The following PCCA variants were observed in gnomAD, a reference collection of about 807,000 sequenced individuals.
PCCA encodes the protein propionyl-CoA carboxylase subunit alpha.
Under a neutral mutation model 101.3 loss-of-function variants are expected in PCCA, and 74 were observed. The observed-to-expected ratio is 0.73, with a 90% CI of 0.61 to 0.89. The LOEUF is 0.89. Ranked by LOEUF, PCCA falls within the 40% of genes least tolerant of loss-of-function variation. The pLI, the probability that PCCA is intolerant of heterozygous loss-of-function variation, is 0.00. For missense variants in PCCA, 891 were observed against 907.0 expected (o/e 0.98, Z 0.23); for synonymous variants, 294 against 313.6 (o/e 0.94, Z 0.66).
At position 100,268,689 on chromosome 13, in the gene PCCA, G is replaced by A. The variant is rs767299022; in HGVS notation, c.820G>A (p.Val274Ile). The change falls in exon 11 of 24, where the codon GTT (valine) becomes ATT (isoleucine). Residue 274 changes from valine to isoleucine, a missense_variant and splice_region_variant. By Grantham distance (29) the Val-to-Ile change is conservative (BLOSUM62 3). Coordinates refer to ENST00000376285, the MANE Select transcript of PCCA (RefSeq NM_000282.4). ...IDNPRHIEIQVLGDKHGNALW... is the reference protein window; with the variant it reads ...IDNPRHIEIQILGDKHGNALW... ...TTTTCAAATGGTATTGCTCTTTCAG[G>A]TTCTAGGTGATAAACATGGGAATGC... is the stretch of plus-strand genomic sequence containing the variant. 1.9e-6 allele frequency: 3 copies of A among 1,609,828 alleles called. No homozygotes were observed. Among genetic ancestry groups the A allele is most frequent in the South Asian group, 1.1e-5 (1 of 91,004 alleles).
At chr13:100,188,255 T>C (rs1199726312) in intron 6 of PCCA, among the ~76,000 whole-genome samples, 1 of 151,498 alleles carries the variant, frequency 6.6e-6, no homozygotes, top group Admixed American at 6.6e-5. Flanking sequence ...ATCGTGCCAC[T>C]GCACTCCAGC....
chr13:100,173,600 AGCTCCTGAACTCCTGCT>A (rs772009325), intron 6 of PCCA, among the ~76,000 whole-genome samples: 1 of 152,178 alleles, frequency 6.6e-6, no homozygotes, highest in African/African-American at 2.4e-5. Context: ...AATAGAGTCA[AGCTCCTGAACTCCTGCT>A]GCATAGGCTG....
intron 6 of PCCA, among the ~76,000 whole-genome samples, chr13:100,208,939 T>A (rs192072328): frequency 1.3e-5 from 2 of 152,310 alleles, no homozygotes; most frequent in East Asian, 3.9e-4. Context: ...TCAGGAAATA[T>A]GGATATTTGT....
chr13:100,449,234 C>T lies in PCCA; in HGVS notation c.1846-18C>T, dbSNP rs2081053140. On this transcript the variant is annotated intron_variant, in intron 20 of 23. Coordinates refer to ENST00000376285, the MANE Select transcript of PCCA (RefSeq NM_000282.4). ...GTGCAGATATGAGTTCATTTTATAT[C>T]TCTTGTTTGTTTTTTAGTGTCTTTC... The T allele has an allele frequency of 6.6e-7, 1 of 1,511,192 alleles. No homozygotes were observed. Among genetic ancestry groups the T allele is most frequent in the Non-Finnish European group, 9.0e-7 (1 of 1,111,206 alleles). The allele number at this position is 1,511,192 out of a possible 1,614,324, so 93.6% of individuals were successfully genotyped here. A position where few individuals can be genotyped will look rare whatever the true frequency, so the allele number is the denominator to read the frequency against.
At chr13:100,241,756 C>T (rs780997731) in intron 8 of PCCA, among the ~76,000 whole-genome samples, 34 of 152,156 alleles carry the variant, frequency 2.2e-4, no homozygotes, top group Non-Finnish European at 4.4e-4. Context: ...TGAGCCACTG[C>T]ACCTGGCCTT....
rs200100563 is a variant in PCCA at position 100,268,619 on chromosome 13, G to C, written c.820-70G>C. The C allele has an allele frequency of 2.8e-6, 3 of 1,081,032 alleles. No homozygotes were observed. In the South Asian group the frequency reaches 3.7e-5, roughly 13 times the overall value. The allele number at this position is 1,081,032 out of a possible 1,614,324, so 67.0% of individuals were successfully genotyped here. On this transcript the variant is annotated intron_variant, in intron 10 of 23. Transcript: ENST00000376285. ...TTAAAAACCAAGAGATGTTGCATGC[G>C]GAAAATATTAACCATCATCTACTTT... is the stretch of plus-strand genomic sequence containing the variant.
At chr13:100,373,555 T>G (rs896765437) in intron 19 of PCCA, among the ~76,000 whole-genome samples, 1 of 152,092 alleles carries the variant, frequency 6.6e-6, no homozygotes, top group African/African-American at 2.4e-5. Context: ...GTCAGACTGA[T>G]AGAGACAGAA....
chr13:100,273,421 T>C, intron 12 of PCCA, 75 bp downstream of exon 12: 1 of 1,220,838 alleles, frequency 8.2e-7, no homozygotes, highest in Non-Finnish European at 1.2e-6. Flanking sequence ...TTTTGTTTTA[T>C]AAATGTTAAA....
At chr13:100,126,285 C>CT (rs550726504) in intron 4 of PCCA, among the ~76,000 whole-genome samples, 3,036 of 148,960 alleles carry the variant, frequency 0.02, 92 homozygotes, top group African/African-American at 0.061. Flanking sequence ...AGTATGGTAT[C>CT]TTTTTTTTTT....
chr13:100,527,436 C>A, intron 22 of PCCA: 1 of 563,206 alleles, frequency 1.8e-6, no homozygotes. Context: ...GCCAGGGTCC[C>A]CACTTCTCCA....
At position 100,123,701 on chromosome 13, in the gene PCCA, G is replaced by GTA. The variant is rs1184111573; in HGVS notation, c.300+11641_300+11642dup. 2.0e-5 allele frequency among the ~76,000 whole-genome samples: 3 copies of GTA among 152,092 alleles called. No individual in the cohort carries two copies. The East Asian group carries it at 5.8e-4, about 29-fold the overall frequency. On this transcript the variant is annotated intron_variant, in intron 4 of 23. Coordinates refer to ENST00000376285, the MANE Select transcript of PCCA (RefSeq NM_000282.4). ...TAATTCTGAGGAAAATTGATGGGGAGTAGCCTAACATATTAAAATACATTT... is the reference window on the plus strand; with the variant it reads ...TAATTCTGAGGAAAATTGATGGGGAGTATAGCCTAACATATTAAAATACATTT...
At chr13:100,354,317 G>A (rs2073703517) in intron 18 of PCCA, among the ~76,000 whole-genome samples, 1 of 95,200 alleles carries the variant, frequency 1.1e-5, no homozygotes, top group Non-Finnish European at 2.3e-5. Context: ...AAGAAAGGGA[G>A]AAAGAAAGAA....
At chr13:100,114,299 C>T (rs548478322) in intron 4 of PCCA, among the ~76,000 whole-genome samples, 151 of 152,086 alleles carry the variant, frequency 9.9e-4, no homozygotes, top group African/African-American at 3.3e-3. Context: ...GCAAAATGGC[C>T]AGGTGTGGTG....
intron 16 of PCCA, among the ~76,000 whole-genome samples, chr13:100,313,066 CT>C (rs899542428): frequency 3.0e-4 from 46 of 151,996 alleles, no homozygotes; most frequent in African/African-American, 9.9e-4. Flanking sequence ...ATTTAATAAA[CT>C]TTTTTTTGAT....
chr13:100,265,430 A>G (rs1013933894), intron 10 of PCCA, among the ~76,000 whole-genome samples: 2 of 152,192 alleles, frequency 1.3e-5, no homozygotes, highest in African/African-American at 4.8e-5. Flanking sequence ...TGCTTTTATA[A>G]TAAATCTAGA....
chr13:100,146,951 T>C (rs1034473953), intron 4 of PCCA, among the ~76,000 whole-genome samples: 1 of 151,590 alleles, frequency 6.6e-6, no homozygotes, highest in Non-Finnish European at 1.5e-5. Flanking sequence ...AAATAAGTTA[T>C]GGTTCATCTA....
chr13:100,314,233 C>T (rs2067154741), intron 16 of PCCA, among the ~76,000 whole-genome samples: 1 of 152,132 alleles, frequency 6.6e-6, no homozygotes, highest in Non-Finnish European at 1.5e-5. Context: ...AAGGGTACAG[C>T]TTGAGAGTAA....
intron 6 of PCCA, among the ~76,000 whole-genome samples, chr13:100,183,160 G>A (rs1212540942): frequency 6.6e-6 from 1 of 152,086 alleles, no homozygotes; most frequent in Non-Finnish European, 1.5e-5. Flanking sequence ...GCGTGTGTAC[G>A]AAGGATTCAT....
intron 21 of PCCA, among the ~76,000 whole-genome samples, chr13:100,479,235 G>A (rs1011115029): frequency 8.5e-5 from 13 of 152,332 alleles, no homozygotes; most frequent in South Asian, 2.1e-4. Context: ...ATTCATCACA[G>A]GGATGCCTAA....
Sources: allele counts gnomAD v4.1 joint callset (sites outside exome capture counted in the v4.1 genomes callset), GRCh38; gene constraint gnomAD v4.1.1; transcripts MANE v1.5; gene names NCBI Gene and HGNC (gene_info 2026-07-23, HGNC 2026-07-21).